Variants in GLCCI1 observed in about 807,000 individuals in gnomAD.
The protein encoded by GLCCI1 is glucocorticoid-induced transcript 1 protein.
Under a neutral mutation model 52.2 loss-of-function variants are expected in GLCCI1, and 24 were observed. The ratio of observed to expected loss-of-function variants is 0.46; its 90% CI spans 0.33 to 0.65. The LOEUF (loss-of-function observed/expected upper bound fraction) is 0.65, where lower values mean the gene tolerates loss of function less well. Ranked by LOEUF, GLCCI1 falls within the 30% of genes least tolerant of loss-of-function variation. The probability of loss-of-function intolerance (pLI) is 0.02; values close to 1 mark genes in which losing one functional copy is unlikely to be tolerated. For synonymous variants in GLCCI1, 310 were observed against 276.5 expected (o/e 1.12, Z -1.20); for missense variants, 704 against 701.5 (o/e 1.00, Z -0.04).
chr7:8,083,494 C>G (rs1783039824), intron 6 of GLCCI1, among the ~76,000 whole-genome samples: 1 of 152,138 alleles, frequency 6.6e-6, no homozygotes, highest in South Asian at 2.1e-4. Context: ...TGAGACAATC[C>G]TATTCCTCCT....
intron 6 of GLCCI1, among the ~76,000 whole-genome samples, chr7:8,082,963 A>T (rs1239115951): frequency 6.6e-6 from 1 of 152,198 alleles, no homozygotes; most frequent in Non-Finnish European, 1.5e-5. Flanking sequence ...TTCTTACGTG[A>T]TAATAGAGTG....
chr7:8,029,738 A>T (rs1364007748), intron 3 of GLCCI1, among the ~76,000 whole-genome samples: 1 of 152,184 alleles, frequency 6.6e-6, no homozygotes, highest in African/African-American at 2.4e-5. Flanking sequence ...ACATACAAAA[A>T]TCAGTAGTGT....
intron 1 of GLCCI1, among the ~76,000 whole-genome samples, chr7:7,975,696 T>C (rs1196580250): frequency 1.3e-5 from 2 of 152,236 alleles, no homozygotes; most frequent in Non-Finnish European, 2.9e-5. Context: ...TTGTTGAATG[T>C]AACTAAAATA....
intron 1 of GLCCI1, among the ~76,000 whole-genome samples, chr7:8,002,938 G>A (rs1781076218): frequency 6.6e-6 from 1 of 152,198 alleles, no homozygotes; most frequent in Non-Finnish European, 1.5e-5. Flanking sequence ...TATAATGTCT[G>A]TAGATTTTGG....
At chr7:7,993,857 A>T (rs1780891536) in intron 1 of GLCCI1, among the ~76,000 whole-genome samples, 1 of 152,206 alleles carries the variant, frequency 6.6e-6, no homozygotes, top group South Asian at 2.1e-4. Flanking sequence ...TGTAAAGTCA[A>T]AAAATTGTGA....
chr7:8,074,122 G>A (rs1053543124), intron 6 of GLCCI1, among the ~76,000 whole-genome samples: 2 of 152,164 alleles, frequency 1.3e-5, no homozygotes, highest in African/African-American at 2.4e-5. Context: ...TTTATTGTAT[G>A]TCAGATATTG....
intron 3 of GLCCI1, among the ~76,000 whole-genome samples, chr7:8,027,226 G>A (rs1781641492): frequency 6.6e-6 from 1 of 152,206 alleles, no homozygotes; most frequent in African/African-American, 2.4e-5. Flanking sequence ...GGAAACTCAC[G>A]CCTGTAATCC....
intron 1 of GLCCI1, among the ~76,000 whole-genome samples, chr7:8,001,865 A>C (rs1781056151): frequency 6.6e-6 from 1 of 152,214 alleles, no homozygotes; most frequent in Non-Finnish European, 1.5e-5. Context: ...CAAACACTGC[A>C]TGTCCTCACT....
intron 1 of GLCCI1, among the ~76,000 whole-genome samples, chr7:7,986,774 C>A (rs761210963): frequency 3.3e-5 from 5 of 152,130 alleles, no homozygotes; most frequent in Non-Finnish European, 5.9e-5. Context: ...TGGTTCCAGC[C>A]TTTATGGTTA....
intron 3 of GLCCI1, among the ~76,000 whole-genome samples, chr7:8,045,971 A>T (rs1265602864): frequency 1.3e-5 from 2 of 152,190 alleles, no homozygotes; most frequent in South Asian, 2.1e-4. Flanking sequence ...TCCAAAAAAA[A>T]AAAACCTTAT....
chr7:8,080,886 G>C (rs1365353803), intron 6 of GLCCI1, among the ~76,000 whole-genome samples: 3 of 149,184 alleles, frequency 2.0e-5, no homozygotes, highest in African/African-American at 4.9e-5. Flanking sequence ...TGTTGGCCAG[G>C]TGGTCTCGAA....
chr7:8,042,927 C>A, intron 3 of GLCCI1, among the ~76,000 whole-genome samples: 1 of 152,150 alleles, frequency 6.6e-6, no homozygotes, highest in East Asian at 1.9e-4. Flanking sequence ...ACAAAGAAAT[C>A]TGGTATGAAA....
intron 2 of GLCCI1, among the ~76,000 whole-genome samples, chr7:8,013,855 G>A (rs757833391): frequency 6.6e-6 from 1 of 151,436 alleles, no homozygotes; most frequent in African/African-American, 2.4e-5. Flanking sequence ...TTGGTTTTTC[G>A]GCTGTACGAT....
chr7:8,004,800 A>C (rs1781114768), intron 2 of GLCCI1, among the ~76,000 whole-genome samples: 1 of 152,220 alleles, frequency 6.6e-6, no homozygotes, highest in Non-Finnish European at 1.5e-5. Context: ...AGATGAATGG[A>C]GTATGTAAAT....
intron 2 of GLCCI1, among the ~76,000 whole-genome samples, chr7:8,013,569 T>C (rs1349837649): frequency 6.6e-6 from 1 of 152,258 alleles, no homozygotes. Flanking sequence ...CTCAAAATGT[T>C]TTATATTACA....
At chr7:8,007,880 T>C (rs1347240214) in intron 2 of GLCCI1, among the ~76,000 whole-genome samples, 4 of 152,188 alleles carry the variant, frequency 2.6e-5, no homozygotes, top group East Asian at 3.8e-4. Flanking sequence ...GATTGTAGAC[T>C]TTGGAACCAG....
chr7:8,022,648 CTT>C, intron 3 of GLCCI1, 79 bp downstream of exon 3: 1 of 785,450 alleles, frequency 1.3e-6, no homozygotes. Context: ...TGTAATGACA[CTT>C]TTAAAATTTA....
chr7:7,969,334 G>A lies in GLCCI1; in HGVS notation c.-17G>A. 2 of 1,452,862 alleles carry A rather than the reference G, an allele frequency of 1.4e-6. No individual in the cohort carries two copies. The highest frequency in any genetic ancestry group is 1.8e-6 in the Non-Finnish European group (2 of 1,100,152). The allele number at this position is 1,452,862 out of a possible 1,614,324, so 90.0% of individuals were successfully genotyped here. A position where few individuals can be genotyped will look rare whatever the true frequency, so the allele number is the denominator to read the frequency against. ...CCTCCGTGTCGGCCGGCGGCGTCCA[G>A]GGCCCGCAGAGCCACCATGTCCACT... On this transcript the variant is annotated 5_prime_UTR_variant, in exon 1 of 8. Transcript: ENST00000223145. This position sits in a 1 kb window ranked among gnomAD's most constrained non-coding sequence, Gnocchi z 4.9.
chr7:7,984,987 G>A (rs1780693987), intron 1 of GLCCI1, among the ~76,000 whole-genome samples: 2 of 152,168 alleles, frequency 1.3e-5, no homozygotes, highest in African/African-American at 4.8e-5. Context: ...TTTAGTTATA[G>A]TTCCCTAGGA....
Sources: allele counts gnomAD v4.1 joint callset (sites outside exome capture counted in the v4.1 genomes callset), GRCh38; gene constraint gnomAD v4.1.1; non-coding constraint Gnocchi (gnomAD v3.1); transcripts MANE v1.5; gene names NCBI Gene and HGNC (gene_info 2026-07-23, HGNC 2026-07-21).